The following SLC66A2 variants were observed in gnomAD, a reference collection of about 807,000 sequenced individuals.
SLC66A2 encodes the protein PQ loop repeat containing 1.
A neutral mutation model predicts 25.5 loss-of-function variants in SLC66A2; 23 were observed. The ratio of observed to expected loss-of-function variants is 0.90; its 90% CI spans 0.65 to 1.28. The LOEUF (loss-of-function observed/expected upper bound fraction) is 1.28, where lower values mean the gene tolerates loss of function less well. Among genes scored for constraint, SLC66A2 ranks in the 50% most tolerant of loss-of-function variants. The pLI is 0.00. For synonymous variants in SLC66A2, 193 were observed against 166.5 expected (o/e 1.16, Z -1.23); for missense variants, 396 against 373.1 (o/e 1.06, Z -0.51).
intron 5 of SLC66A2, among the ~76,000 whole-genome samples, chr18:79,910,883 G>C (rs1298398269): frequency 1.3e-5 from 2 of 152,248 alleles, no homozygotes; most frequent in East Asian, 3.9e-4. Flanking sequence ...TATCTTCAGT[G>C]AAACAGTCAA....
In SLC66A2 at chr18:79,917,071, C is replaced by T. The variant is rs757407223; in HGVS notation, c.608+2113G>A. Among the ~76,000 whole-genome samples the T allele has an allele frequency of 2.2e-4, 34 of 152,244 alleles. No individual in the cohort carries two copies. The highest frequency in any genetic ancestry group is 3.7e-4 in the Non-Finnish European group (25 of 68,030). ...GAAGTGAGTGAGAACAGGAAAAGCA[C>T]GTCCAATGTGTTTCTTCCACACACA... On this transcript the variant is annotated intron_variant, in intron 5 of 5. Coordinates refer to ENST00000397778, the MANE Select transcript of SLC66A2 (RefSeq NM_025078.5). This position sits in a 1 kb window ranked among gnomAD's most constrained non-coding sequence, Gnocchi z 6.0.
At chr18:79,908,467 A>G (rs901516671) in intron 5 of SLC66A2, among the ~76,000 whole-genome samples, 9 of 152,008 alleles carry the variant, frequency 5.9e-5, no homozygotes, top group African/African-American at 2.2e-4. Flanking sequence ...TGCTTTCGAC[A>G]TTTTTTATTT....
intron 2 of SLC66A2, among the ~76,000 whole-genome samples, chr18:79,946,564 G>A (rs1400922603): frequency 6.6e-6 from 1 of 152,208 alleles, no homozygotes; most frequent in Non-Finnish European, 1.5e-5. Context: ...GGTGGACTCT[G>A]CAGGTGATCA....
rs148802116 is a variant in SLC66A2 at position 79,928,569 on chromosome 18, C to T, written c.391+5400G>A. Among the ~76,000 whole-genome samples, 161 of 152,270 alleles carry T rather than the reference C, an allele frequency of 1.1e-3. 2 individuals are homozygous for T. Among genetic ancestry groups the T allele is most frequent in the Middle Eastern group, 3.4e-3 (1 of 294 alleles). On this transcript the variant is annotated intron_variant, in intron 4 of 5. Coordinates refer to ENST00000397778, the MANE Select transcript of SLC66A2 (RefSeq NM_025078.5). ...GTCCCTAACGTGTCTTAGGGACACA[C>T]GGCGAATGGAGAAACGCTTATCCAA... is the stretch of plus-strand genomic sequence containing the variant.
intron 3 of SLC66A2, among the ~76,000 whole-genome samples, chr18:79,939,544 A>T (rs930192495): frequency 5.3e-5 from 8 of 152,248 alleles, no homozygotes; most frequent in African/African-American, 1.7e-4. Context: ...CAAGAAAAAA[A>T]TGAATAACCC....
intron 3 of SLC66A2, among the ~76,000 whole-genome samples, chr18:79,936,098 G>A (rs1987056517): frequency 1.3e-5 from 2 of 152,238 alleles, no homozygotes; most frequent in South Asian, 4.1e-4. Flanking sequence ...TGGGACTTTG[G>A]TCCATGTCAC....
At chr18:79,933,851 C>T (rs993146368) in intron 4 of SLC66A2, 118 bp downstream of exon 4, 19 of 866,454 alleles carry the variant, frequency 2.2e-5, no homozygotes, top group East Asian at 1.6e-4. Flanking sequence ...GACTCGGCCA[C>T]GCTTGGTAAA....
intron 5 of SLC66A2, among the ~76,000 whole-genome samples, chr18:79,911,828 G>C (rs1983186704): frequency 7.1e-6 from 1 of 141,610 alleles, no homozygotes; most frequent in Non-Finnish European, 1.5e-5. Context: ...GATGGAGCAG[G>C]AAGGGGACAG....
At position 79,941,911 on chromosome 18, in the gene SLC66A2, C is replaced by T. The variant is rs1289339269; in HGVS notation, c.337+1418G>A. Reference sequence around the variant, plus strand: ...AGAGCCCGAGGACAGCAGAAACTCCCAGCAACGCACTGGGCATCTTAGGCA... The same window carrying T: ...AGAGCCCGAGGACAGCAGAAACTCCTAGCAACGCACTGGGCATCTTAGGCA... On this transcript the variant is annotated intron_variant, in intron 3 of 5. Transcript: ENST00000397778. The surrounding 1 kb of genome is among the most constrained non-coding windows in gnomAD (Gnocchi z 4.1). Among the ~76,000 whole-genome samples, 17 of 152,082 alleles carry T rather than the reference C, an allele frequency of 1.1e-4. 1 individual carries two copies. The highest frequency in any genetic ancestry group is 2.9e-5 in the Non-Finnish European group (2 of 68,018).
intron 4 of SLC66A2, among the ~76,000 whole-genome samples, chr18:79,922,801 G>A (rs1229141286): frequency 4.1e-5 from 6 of 147,856 alleles, no homozygotes; most frequent in Non-Finnish European, 7.5e-5. Flanking sequence ...CGAGGGGGTT[G>A]GGGGTGCTGA....
rs1366633638 is a variant in SLC66A2, at chr18:79,940,853, GAC to G, written c.337+2474_337+2475del. Among the ~76,000 whole-genome samples, 4 of 152,104 alleles carry G rather than the reference GAC, an allele frequency of 2.6e-5. No homozygotes were observed. The highest frequency in any genetic ancestry group is 9.7e-5 in the African/African-American group (4 of 41,406). ...TTTAACACACACAGCTACACCCCAG[GAC>G]ACAGAGCTCAAGAGCGGATGTCCCA... On this transcript the variant is annotated intron_variant, in intron 3 of 5. Coordinates refer to ENST00000397778, the MANE Select transcript of SLC66A2 (RefSeq NM_025078.5). This position sits in a 1 kb window ranked among gnomAD's most constrained non-coding sequence, Gnocchi z 4.1.
intron 4 of SLC66A2, among the ~76,000 whole-genome samples, chr18:79,923,140 T>C (rs1276407189): frequency 6.8e-6 from 1 of 147,404 alleles, no homozygotes. Flanking sequence ...CGTGGGCTCA[T>C]GTGTATTTCA....
At chr18:79,912,642 A>G (rs1983410628) in intron 5 of SLC66A2, among the ~76,000 whole-genome samples, 1 of 152,068 alleles carries the variant, frequency 6.6e-6, no homozygotes, top group Non-Finnish European at 1.5e-5. Context: ...GGCGGTGGGA[A>G]TGACTGCCAG....
intron 3 of SLC66A2, chr18:79,935,290 G>C (rs1032981640): frequency 1.3e-5 from 2 of 152,388 alleles, no homozygotes; most frequent in East Asian, 3.9e-4. Flanking sequence ...TCCCACACCA[G>C]GCTGTGTCCT....
chr18:79,943,676 G>A (rs892138261), intron 2 of SLC66A2: 5 of 536,984 alleles, frequency 9.3e-6, no homozygotes, highest in Non-Finnish European at 6.5e-6. Flanking sequence ...GGTCAGGAGG[G>A]AGGCCCACCC....
At position 79,919,335 on chromosome 18, in the gene SLC66A2, A is replaced by G; in HGVS notation, c.457T>C (p.Phe153Leu). 1 of 1,613,330 alleles carries G rather than the reference A, an allele frequency of 6.2e-7. No individual in the cohort carries two copies. The highest frequency in any genetic ancestry group is 8.5e-7 in the Non-Finnish European group (1 of 1,180,026). ...FSDYVQCVLA[F>L]TGVAGYITYL... ...GTGATGTAGCCCGCCACGCCCGTGA[A>G]GGCCAGGACGCACTGCACGTAGTCC... is the stretch of plus-strand genomic sequence containing the variant. Residue 153 changes from phenylalanine (F) to leucine (L), a missense_variant, in exon 5 of 6, where the codon TTC becomes CTC. By Grantham distance (22) the Phe-to-Leu change is conservative (BLOSUM62 0). Transcript: ENST00000397778.
chr18:79,934,316 G>A (rs903810485), intron 3 of SLC66A2, among the ~76,000 whole-genome samples: 4 of 152,128 alleles, frequency 2.6e-5, no homozygotes, highest in African/African-American at 4.8e-5. Context: ...TTAATCTCTC[G>A]GGAGAAAGGC....
chr18:79,948,270 C>T lies in SLC66A2; in HGVS notation c.203+2454G>A, dbSNP rs549305039. ...ACCTCTACGTCAGTGCCAGTTAGGT[C>T]ATGAGGCAATGACAAGATGGCACCA... On this transcript the variant is annotated intron_variant, in intron 2 of 5. Coordinates refer to ENST00000397778, the MANE Select transcript of SLC66A2 (RefSeq NM_025078.5). Among the ~76,000 whole-genome samples, 27 of 152,344 alleles carry T rather than the reference C, an allele frequency of 1.8e-4. 1 individual carries two copies. In the South Asian group the frequency reaches 5.0e-3, roughly 28 times the overall value.
intron 5 of SLC66A2, among the ~76,000 whole-genome samples, chr18:79,907,334 G>GTTTTTTTTTTTTTTTTTTGTTTT: frequency 8.6e-6 from 1 of 116,896 alleles, no homozygotes; most frequent in Non-Finnish European, 1.7e-5. Flanking sequence ...TCTTTGTATA[G>GTTTTTTTTTTTTTTTTTTGTTTT]TTTTTTTTTT....
Sources: allele counts gnomAD v4.1 joint callset (sites outside exome capture counted in the v4.1 genomes callset), GRCh38; gene constraint gnomAD v4.1.1; non-coding constraint Gnocchi (gnomAD v3.1); transcripts MANE v1.5; gene names NCBI Gene and HGNC (gene_info 2026-07-23, HGNC 2026-07-21).